CAMK1D: variants seen among roughly 807,000 people sequenced by gnomAD.
The protein encoded by CAMK1D is calcium/calmodulin-dependent protein kinase type 1D.
Under a neutral mutation model 47.7 loss-of-function variants are expected in CAMK1D, and 9 were observed. The ratio of observed to expected loss-of-function variants is 0.19; its 90% confidence interval spans 0.11 to 0.33. The LOEUF is 0.33. Among genes scored for constraint, CAMK1D ranks in the 10% least tolerant of loss-of-function variants. The pLI is 1.00. For missense variants in CAMK1D, 291 were observed against 488.7 expected (o/e 0.60, Z 3.81); for synonymous variants, 184 against 184.9 (o/e 0.99, Z 0.04).
At chr10:12,762,927 G>A (rs1836574945) in intron 4 of CAMK1D, among the ~76,000 whole-genome samples, 1 of 152,176 alleles carries the variant, frequency 6.6e-6, no homozygotes. Flanking sequence ...CGTTCGTGTG[G>A]TGACCACAGG....
chr10:12,660,340 G>A (rs994996819), intron 2 of CAMK1D, among the ~76,000 whole-genome samples: 4 of 152,174 alleles, frequency 2.6e-5, no homozygotes, highest in Admixed American at 6.5e-5. Context: ...CATGAGGCTG[G>A]AGGGGAAGAT....
intron 1 of CAMK1D, among the ~76,000 whole-genome samples, chr10:12,547,682 T>TCTCTTTCTCTCTCTCTCA (rs10643491): frequency 8.6e-6 from 1 of 116,508 alleles, no homozygotes; most frequent in Non-Finnish European, 1.7e-5. Flanking sequence ...TTTCTCTCTC[T>TCTCTTTCTCTCTCTCTCA]CACACACACA....
intron 3 of CAMK1D, among the ~76,000 whole-genome samples, chr10:12,684,128 A>G (rs984793829): frequency 6.6e-6 from 1 of 152,194 alleles, no homozygotes; most frequent in Non-Finnish European, 1.5e-5. Flanking sequence ...CCCAGCGGCC[A>G]GTTTGTGCTG....
At chr10:12,825,813 A>G in intron 10 of CAMK1D, 123 bp downstream of exon 10, 2 of 1,515,342 alleles carry the variant, frequency 1.3e-6, no homozygotes, top group Middle Eastern at 2.2e-4. Context: ...ACTTAATCCC[A>G]TGTCATGCGA....
chr10:12,510,506 T>C (rs1399283097), intron 1 of CAMK1D, among the ~76,000 whole-genome samples: 2 of 152,234 alleles, frequency 1.3e-5, no homozygotes, highest in Non-Finnish European at 2.9e-5. Flanking sequence ...CATTTCCTTT[T>C]ACCTACCACA....
intron 1 of CAMK1D, among the ~76,000 whole-genome samples, chr10:12,545,604 A>G (rs1295777510): frequency 6.6e-6 from 1 of 151,820 alleles, no homozygotes; most frequent in African/African-American, 2.4e-5. Context: ...GATCGAGACC[A>G]TCCTGGCCAA....
rs1374492307 is a variant in CAMK1D, at chr10:12,694,315, A to T, written c.299+27505A>T. On this transcript the variant is annotated intron_variant, in intron 3 of 10. Coordinates refer to ENST00000619168, the MANE Select transcript of CAMK1D (RefSeq NM_153498.4). ...TATATATTATATATAAAATATATAAAATATAATATATAAAGTATATATAAT... is the reference window on the plus strand; with the variant it reads ...TATATATTATATATAAAATATATAATATATAATATATAAAGTATATATAAT... 3.9e-3 allele frequency among the ~76,000 whole-genome samples: 238 copies of T among 61,032 alleles called. 14 individuals carry two copies. Among genetic ancestry groups the T allele is most frequent in the South Asian group, 0.012 (20 of 1,674 alleles). The allele number at this position is 61,032 out of a possible 152,430, so 40.0% of individuals were successfully genotyped here. A position where few individuals can be genotyped will look rare whatever the true frequency, so the allele number is the denominator to read the frequency against.
At chr10:12,466,514 A>T (rs1196546442) in intron 1 of CAMK1D, among the ~76,000 whole-genome samples, 1 of 151,256 alleles carries the variant, frequency 6.6e-6, no homozygotes, top group East Asian at 1.9e-4. Flanking sequence ...GAGACCAGGA[A>T]TTGGAGGCTG....
rs567248951 is a variant in CAMK1D, at chr10:12,628,712, G to A, written c.225-38024G>A. Reference sequence around the variant, plus strand: ...GTGGGTTTTGACAAATATATGACATGTATCCACCATCATAGAGGCCTGCAG... The same window carrying A: ...GTGGGTTTTGACAAATATATGACATATATCCACCATCATAGAGGCCTGCAG... On this transcript the variant is annotated intron_variant, in intron 2 of 10. Transcript: ENST00000619168. Among the ~76,000 whole-genome samples the A allele has an allele frequency of 3.3e-5, 5 of 152,224 alleles. No homozygotes were observed. The South Asian group carries it at 1.0e-3, about 32-fold the overall frequency.
chr10:12,559,800 A>G (rs1360897879), intron 2 of CAMK1D, among the ~76,000 whole-genome samples: 1 of 152,060 alleles, frequency 6.6e-6, no homozygotes, highest in African/African-American at 2.4e-5. Context: ...AGGCTGGGGT[A>G]GGGTGTGGTC....
intron 2 of CAMK1D, among the ~76,000 whole-genome samples, chr10:12,612,186 C>T (rs765975135): frequency 1.3e-5 from 2 of 152,128 alleles, no homozygotes; most frequent in African/African-American, 4.8e-5. Context: ...TCCAAAACTC[C>T]AGCCTGGAAC....
At chr10:12,564,956 C>T (rs116856665) in intron 2 of CAMK1D, among the ~76,000 whole-genome samples, 201 of 152,294 alleles carry the variant, frequency 1.3e-3, no homozygotes, top group Middle Eastern at 3.4e-3. Context: ...TGCCTGTAGT[C>T]CCAGAACTTT....
chr10:12,426,308 A>G (rs562553126), intron 1 of CAMK1D, among the ~76,000 whole-genome samples: 8 of 151,600 alleles, frequency 5.3e-5, no homozygotes, highest in African/African-American at 1.7e-4. Flanking sequence ...GTGCAGTGGC[A>G]TGATCTCGGC....
At chr10:12,387,037 A>C (rs1310994824) in intron 1 of CAMK1D, among the ~76,000 whole-genome samples, 1 of 151,774 alleles carries the variant, frequency 6.6e-6, no homozygotes, top group Non-Finnish European at 1.5e-5. Context: ...CCCCGTCTCT[A>C]CTAAAAATAC....
At chr10:12,480,455 A>G (rs369522822) in intron 1 of CAMK1D, among the ~76,000 whole-genome samples, 3 of 112,986 alleles carry the variant, frequency 2.7e-5, no homozygotes, top group Non-Finnish European at 4.4e-5. Context: ...AACAAAAAAC[A>G]AAAAAAAACC....
chr10:12,786,201 A>G (rs1837716221), intron 5 of CAMK1D, among the ~76,000 whole-genome samples: 1 of 152,172 alleles, frequency 6.6e-6, no homozygotes. Flanking sequence ...TGGAAATGTC[A>G]TTTCCAAATC....
chr10:12,772,496 G>A (rs971442790), intron 5 of CAMK1D, among the ~76,000 whole-genome samples: 1 of 152,172 alleles, frequency 6.6e-6, no homozygotes, highest in African/African-American at 2.4e-5. Context: ...TGCTTCTCAT[G>A]TTTGGCTGGA....
rs945926223 is a variant in CAMK1D at position 12,819,300 on chromosome 10, C to T, written c.833+2972C>T. Among the ~76,000 whole-genome samples, 17 of 152,200 alleles carry T rather than the reference C, an allele frequency of 1.1e-4. 1 individual carries two copies. Among genetic ancestry groups the T allele is most frequent in the African/African-American group, 3.9e-4 (16 of 41,458 alleles). ...CCAGGCAGATGAGCGTCTGGGCATA[C>T]AACACGGGAGCTTAAAACTGCATGT... is the stretch of plus-strand genomic sequence containing the variant. On this transcript the variant is annotated intron_variant, in intron 8 of 10. Transcript: ENST00000619168.
At chr10:12,642,887 A>G (rs1190548708) in intron 2 of CAMK1D, among the ~76,000 whole-genome samples, 1 of 152,182 alleles carries the variant, frequency 6.6e-6, no homozygotes. Context: ...AAAAATGATG[A>G]GTTAAAAGTA....
Sources: allele counts gnomAD v4.1 joint callset (sites outside exome capture counted in the v4.1 genomes callset), GRCh38; gene constraint gnomAD v4.1.1; transcripts MANE v1.5; gene names NCBI Gene and HGNC (gene_info 2026-07-23, HGNC 2026-07-21).